Variants in WWOX observed in about 807,000 individuals in gnomAD.
WWOX encodes the protein WW domain-containing oxidoreductase.
Under a neutral mutation model 46.2 loss-of-function variants are expected in WWOX, and 69 were observed. The ratio of observed to expected loss-of-function variants is 1.49; its 90% CI spans 1.23 to 1.82. The LOEUF (loss-of-function observed/expected upper bound fraction) is 1.82, where lower values mean the gene tolerates loss of function less well. Among genes scored for constraint, WWOX ranks in the 40% most tolerant of loss-of-function variants. The pLI, the probability that WWOX is intolerant of heterozygous loss-of-function variation, is 0.00. For synonymous variants in WWOX, 359 were observed against 202.6 expected, an observed-to-expected ratio of 1.77 and a Z score of -6.56; for missense variants, 919 against 542.6, an observed-to-expected ratio of 1.69 and a Z score of -6.89.
chr16:78,129,384 G>A (rs1329593981), intron 4 of WWOX, among the ~76,000 whole-genome samples: 1 of 152,160 alleles, frequency 6.6e-6, no homozygotes, highest in Non-Finnish European at 1.5e-5. Context: ...CAAACTCGGT[G>A]CTTCTATGCT....
intron 8 of WWOX, among the ~76,000 whole-genome samples, chr16:79,114,174 T>C (rs940451859): frequency 3.8e-4 from 58 of 152,094 alleles, no homozygotes; most frequent in African/African-American, 1.3e-3. Flanking sequence ...GTGCATCTAT[T>C]ATGGGTTGAA....
chr16:79,210,264 G>C (rs1395306587), intron 8 of WWOX, among the ~76,000 whole-genome samples: 2 of 152,132 alleles, frequency 1.3e-5, no homozygotes, highest in Non-Finnish European at 2.9e-5. Flanking sequence ...ACAAACCCAA[G>C]TCTGCCTTAT....
intron 8 of WWOX, among the ~76,000 whole-genome samples, chr16:78,502,533 G>A (rs115614755): frequency 0.011 from 1,685 of 152,244 alleles, 31 homozygotes; most frequent in African/African-American, 0.038. Context: ...TCTTTTTGTG[G>A]CTAAGTAATA....
intron 8 of WWOX, among the ~76,000 whole-genome samples, chr16:78,649,585 GT>G (rs2046920318): frequency 6.6e-6 from 1 of 152,138 alleles, no homozygotes; most frequent in African/African-American, 2.4e-5. Context: ...CTCTTCCCCC[GT>G]TTGTTAATAC....
At chr16:79,173,513 A>G (rs778119818) in intron 8 of WWOX, among the ~76,000 whole-genome samples, 2 of 152,178 alleles carry the variant, frequency 1.3e-5, no homozygotes, top group African/African-American at 2.4e-5. Flanking sequence ...TGATGGCCTG[A>G]GAAGCAGTTT....
At chr16:78,641,797 A>C (rs1215494004) in intron 8 of WWOX, among the ~76,000 whole-genome samples, 1 of 152,214 alleles carries the variant, frequency 6.6e-6, no homozygotes, top group Non-Finnish European at 1.5e-5. Flanking sequence ...TGGGTCATTG[A>C]AATTAATTTC....
chr16:78,137,505 G>C (rs538332219), intron 4 of WWOX, among the ~76,000 whole-genome samples: 1 of 152,120 alleles, frequency 6.6e-6, no homozygotes, highest in Admixed American at 6.5e-5. Context: ...ATTTCCTTAC[G>C]TATTGTTTTG....
chr16:78,369,309 C>T (rs1036161703), intron 5 of WWOX, among the ~76,000 whole-genome samples: 2 of 151,804 alleles, frequency 1.3e-5, no homozygotes, highest in Non-Finnish European at 2.9e-5. Flanking sequence ...ATTTCATACT[C>T]AGGGGTATCT....
At chr16:78,773,532 G>A (rs561525304) in intron 8 of WWOX, among the ~76,000 whole-genome samples, 2 of 152,328 alleles carry the variant, frequency 1.3e-5, no homozygotes, top group South Asian at 4.1e-4. Flanking sequence ...GTGTTGATGG[G>A]AAAACGCTGT....
chr16:78,978,965 C>A (rs543226610), intron 8 of WWOX, among the ~76,000 whole-genome samples: 2 of 152,240 alleles, frequency 1.3e-5, no homozygotes, highest in Admixed American at 6.5e-5. Context: ...CTTTACTCTC[C>A]CCTACACCTT....
intron 8 of WWOX, among the ~76,000 whole-genome samples, chr16:78,901,649 G>A (rs2044834294): frequency 6.6e-6 from 1 of 152,100 alleles, no homozygotes; most frequent in African/African-American, 2.4e-5. Context: ...CACCACGCTG[G>A]GTTAGTTTTT....
chr16:78,709,959 G>C (rs1053897770), intron 8 of WWOX, among the ~76,000 whole-genome samples: 5 of 152,226 alleles, frequency 3.3e-5, no homozygotes, highest in African/African-American at 1.2e-4. Context: ...TTGAACCCCT[G>C]ATCTCAGGTG....
chr16:78,533,302 G>T (rs933057735), intron 8 of WWOX, among the ~76,000 whole-genome samples: 4 of 151,982 alleles, frequency 2.6e-5, no homozygotes, highest in Non-Finnish European at 4.4e-5. Context: ...CAGCACTTTT[G>T]GGTCAGTTGA....
chr16:78,706,044 C>T (rs1355965369), intron 8 of WWOX, among the ~76,000 whole-genome samples: 2 of 133,780 alleles, frequency 1.5e-5, no homozygotes, highest in African/African-American at 2.8e-5. Context: ...TGTCTCCAGT[C>T]AGAGTTATGG....
Position 78,674,510 on chromosome 16 carries a change from C to G in WWOX, c.1056+241758C>G, listed in dbSNP as rs2047544769. Among the ~76,000 whole-genome samples the G allele has an allele frequency of 2.6e-5, 4 of 152,224 alleles. No homozygotes were observed. In the South Asian group the frequency reaches 8.3e-4, roughly 32 times the overall value. ...ATGTTAGCCAGGCTGGTCTCAAACT[C>G]CTGACGTCAGGTGATCCACCCTCCT... On this transcript the variant is annotated intron_variant, in intron 8 of 8. Transcript: ENST00000566780.
At chr16:78,686,510 CAAA>C (rs35577182) in intron 8 of WWOX, among the ~76,000 whole-genome samples, 7 of 144,702 alleles carry the variant, frequency 4.8e-5, no homozygotes, top group African/African-American at 1.8e-4. Flanking sequence ...GACTCCCTGT[CAAA>C]AAAAAAAAAG....
intron 8 of WWOX, among the ~76,000 whole-genome samples, chr16:79,078,958 AGTT>A (rs2048710330): frequency 1.3e-5 from 2 of 152,206 alleles, no homozygotes; most frequent in African/African-American, 4.8e-5. Context: ...TTGGCCCTGA[AGTT>A]ATTTTTCCCC....
intron 4 of WWOX, among the ~76,000 whole-genome samples, chr16:78,119,578 T>C (rs1191740288): frequency 6.6e-6 from 1 of 152,124 alleles, no homozygotes; most frequent in Non-Finnish European, 1.5e-5. Context: ...ACAGATTTAT[T>C]ATCATATTTA....
intron 8 of WWOX, among the ~76,000 whole-genome samples, chr16:78,716,350 C>G (rs1202535369): frequency 6.6e-6 from 1 of 152,130 alleles, no homozygotes. Context: ...TGATTTCAGA[C>G]TTCTGGGTTC....
Sources: allele counts gnomAD v4.1 joint callset (sites outside exome capture counted in the v4.1 genomes callset), GRCh38; gene constraint gnomAD v4.1.1; transcripts MANE v1.5; gene names NCBI Gene and HGNC (gene_info 2026-07-23, HGNC 2026-07-21).